The following AIM2 variants were observed in gnomAD, a reference collection of about 807,000 sequenced individuals.
The protein encoded by AIM2 is absent in melanoma 2, also known as interferon-inducible protein AIM2.
A neutral mutation model predicts 27.7 loss-of-function variants in AIM2; 30 were observed. That is an observed-to-expected ratio of 1.08 (90% CI 0.81 to 1.47). The LOEUF (loss-of-function observed/expected upper bound fraction) is 1.47. Among genes scored for constraint, AIM2 ranks in the 40% most tolerant of loss-of-function variants. The pLI is 0.00. For synonymous variants in AIM2, 141 were observed against 145.3 expected (o/e 0.97, Z 0.21); for missense variants, 358 against 411.3 (o/e 0.87, Z 1.12).
chr1:159,081,365 G>A, upstream of AIM2: 2 of 291,422 alleles, frequency 6.9e-6, no homozygotes, highest in South Asian at 5.9e-5. Flanking sequence ...AAAAATCTTT[G>A]GAAGTCAAAT....
intron 1 of AIM2, among the ~76,000 whole-genome samples, chr1:159,115,353 C>T (rs1472358327): frequency 2.0e-5 from 3 of 152,070 alleles, no homozygotes; most frequent in African/African-American, 7.2e-5. Flanking sequence ...CATATGGAAC[C>T]AAAAAGGAGC....
chr1:159,143,682 G>A (rs1226120026), upstream of AIM2, among the ~76,000 whole-genome samples: 1 of 151,776 alleles, frequency 6.6e-6, no homozygotes, highest in Non-Finnish European at 1.5e-5. Context: ...TCAGCCCCCT[G>A]AGTGACGTCC....
At chr1:159,115,100 A>G (rs1647297907) in intron 1 of AIM2, among the ~76,000 whole-genome samples, 1 of 152,208 alleles carries the variant, frequency 6.6e-6, no homozygotes, top group Non-Finnish European at 1.5e-5. Flanking sequence ...CAAAGAGAAT[A>G]AAATACCTAG....
the AIM2 span, among the ~76,000 whole-genome samples, chr1:159,056,111 T>A: frequency 6.6e-6 from 1 of 152,238 alleles, no homozygotes; most frequent in African/African-American, 2.4e-5. Flanking sequence ...CCATGAAAAG[T>A]TAGGCTCGCA....
upstream of AIM2, among the ~76,000 whole-genome samples, chr1:159,141,876 T>C (rs1217578271): frequency 6.6e-6 from 1 of 152,180 alleles, no homozygotes; most frequent in Non-Finnish European, 1.5e-5. Context: ...CCCCAGAGGA[T>C]TGGGGGAATG....
chr1:159,142,049 C>T (rs1020548382), upstream of AIM2, among the ~76,000 whole-genome samples: 50 of 152,140 alleles, frequency 3.3e-4, no homozygotes, highest in Non-Finnish European at 1.0e-4. Context: ...ACGCAGAAGC[C>T]ATCTCTACCT....
upstream of AIM2, among the ~76,000 whole-genome samples, chr1:159,079,142 T>C (rs1427811154): frequency 6.8e-6 from 1 of 146,754 alleles, no homozygotes; most frequent in Admixed American, 6.8e-5. Flanking sequence ...AAGCAGAGGG[T>C]AGAAGAAGAA....
intron 1 of AIM2, among the ~76,000 whole-genome samples, chr1:159,126,736 C>T (rs1339879508): frequency 6.6e-6 from 1 of 151,606 alleles, no homozygotes; most frequent in African/African-American, 2.4e-5. Flanking sequence ...TAAACTATGA[C>T]TCAGCAATCC....
At chr1:159,079,444 G>A (rs942383337), upstream of AIM2, among the ~76,000 whole-genome samples, 1 of 152,050 alleles carries the variant, frequency 6.6e-6, no homozygotes, top group Non-Finnish European at 1.5e-5. Flanking sequence ...AAACAAGAGC[G>A]AATGGAGAAA....
At chr1:159,103,681 G>A (rs1187744752) in intron 1 of AIM2, among the ~76,000 whole-genome samples, 1 of 152,134 alleles carries the variant, frequency 6.6e-6, no homozygotes, top group Admixed American at 6.5e-5. Context: ...TAGAATACAA[G>A]AGAGATACAC....
downstream of AIM2, among the ~76,000 whole-genome samples, chr1:159,061,088 C>G (rs1230312777): frequency 2.0e-5 from 3 of 152,150 alleles, no homozygotes; most frequent in Non-Finnish European, 4.4e-5. Flanking sequence ...TGGACAAACT[C>G]TTTTGCATAA....
intron 1 of AIM2, among the ~76,000 whole-genome samples, chr1:159,107,329 T>TGC (rs1570968124): frequency 6.7e-6 from 1 of 150,270 alleles, no homozygotes; most frequent in East Asian, 1.9e-4. Context: ...TGTGTGTGTG[T>TGC]GTGCGCGCAC....
At chr1:159,102,388 G>A (rs981883878) in intron 1 of AIM2, among the ~76,000 whole-genome samples, 3 of 152,244 alleles carry the variant, frequency 2.0e-5, no homozygotes, top group African/African-American at 7.2e-5. Context: ...GGGCAGTGTG[G>A]AAGGGAAATA....
intron 1 of AIM2, among the ~76,000 whole-genome samples, chr1:159,084,778 T>TACACACACACACACACACACACAC (rs113134051): frequency 7.4e-6 from 1 of 135,040 alleles, no homozygotes; most frequent in Non-Finnish European, 1.6e-5. Context: ...CTGTCTGAAA[T>TACACACACACACACACACACACAC]ACACACACAC....
chr1:159,130,827 C>T (rs1020918602), intron 1 of AIM2, among the ~76,000 whole-genome samples: 37 of 151,642 alleles, frequency 2.4e-4, no homozygotes, highest in African/African-American at 9.0e-4. Context: ...CACACACACA[C>T]ACACACACAC....
chr1:159,129,280 T>C (rs986817745), intron 1 of AIM2, among the ~76,000 whole-genome samples: 2 of 152,236 alleles, frequency 1.3e-5, no homozygotes, highest in African/African-American at 4.8e-5. Flanking sequence ...TTTGGACTTC[T>C]GGGTTCCAAA....
chr1:159,080,100 T>G (rs1460112588), upstream of AIM2, among the ~76,000 whole-genome samples: 2 of 152,326 alleles, frequency 1.3e-5, no homozygotes, highest in East Asian at 3.9e-4. Context: ...ACACGTTGGT[T>G]GCTTCCAAGT....
rs147297619 is a variant in AIM2, at chr1:159,128,078, T to C, written c.-16+12353A>G. ...TGTCAGTCTCTCCTAGTAGAACACA[T>C]GCCTCTGGAGAGTCAGGACTTTGTA... On this transcript the variant is annotated intron_variant, in intron 1 of 2. Coordinates refer to the AIM2 transcript ENST00000368129. Among the ~76,000 whole-genome samples the C allele has an allele frequency of 2.8e-3, 419 of 152,330 alleles. 2 individuals carry two copies. Among genetic ancestry groups the C allele is most frequent in the African/African-American group, 9.5e-3 (393 of 41,578 alleles).
At chr1:159,121,458 T>A (rs1280252721) in intron 1 of AIM2, among the ~76,000 whole-genome samples, 1 of 152,214 alleles carries the variant, frequency 6.6e-6, no homozygotes, top group Admixed American at 6.5e-5. Context: ...AGAGACCAGT[T>A]TGACGTGCTT....
Sources: gnomAD v4.1 joint callset for allele counts (sites outside exome capture counted in the v4.1 genomes callset) on GRCh38, gnomAD v4.1.1 for gene constraint, MANE v1.5 for transcripts, NCBI Gene and HGNC (gene_info 2026-07-23, HGNC 2026-07-21) for gene names.